Variants in AKT3 observed in about 807,000 individuals in gnomAD.
AKT3 encodes the protein RAC-gamma serine/threonine-protein kinase.
In AKT3, 15 loss-of-function variants were observed where a neutral mutation model predicts 65.3. That is an observed-to-expected ratio of 0.23 (90% confidence interval 0.15 to 0.35). AKT3 has a LOEUF of 0.35. AKT3 is among the 10% of genes least tolerant of loss of function. The pLI is 1.00. For missense variants in AKT3, 243 were observed against 576.5 expected, an observed-to-expected ratio of 0.42 and a Z score of 5.92; for synonymous variants, 206 against 183.8, an observed-to-expected ratio of 1.12 and a Z score of -0.98.
At chr1:243,658,615 T>C (rs955611553) in intron 4 of AKT3, among the ~76,000 whole-genome samples, 1 of 152,206 alleles carries the variant, frequency 6.6e-6, no homozygotes, top group African/African-American at 2.4e-5. Context: ...ATCACATTTC[T>C]GGATATTTAT....
intron 6 of AKT3, among the ~76,000 whole-genome samples, chr1:243,628,505 C>T (rs1354688403): frequency 6.6e-6 from 1 of 152,136 alleles, no homozygotes; most frequent in Non-Finnish European, 1.5e-5. Flanking sequence ...CACTATGTTG[C>T]CCAGGCTGAG....
chr1:243,597,869 G>A (rs1297830472), intron 8 of AKT3, among the ~76,000 whole-genome samples: 1 of 152,170 alleles, frequency 6.6e-6, no homozygotes, highest in Non-Finnish European at 1.5e-5. Flanking sequence ...TGCCTGCCTT[G>A]AAGAAAGCAG....
intron 2 of AKT3, among the ~76,000 whole-genome samples, chr1:243,837,873 G>C (rs552027547): frequency 6.6e-6 from 1 of 152,168 alleles, no homozygotes; most frequent in Admixed American, 6.5e-5. Context: ...CAATGTACTG[G>C]AGGTCCTATC....
At chr1:243,776,975 A>G (rs1159179239) in intron 2 of AKT3, among the ~76,000 whole-genome samples, 1 of 152,256 alleles carries the variant, frequency 6.6e-6, no homozygotes, top group Non-Finnish European at 1.5e-5. Context: ...GAAAACCATC[A>G]GACAGTAATA....
At chr1:243,842,325 GA>G (rs1275528931) in intron 2 of AKT3, among the ~76,000 whole-genome samples, 1 of 152,122 alleles carries the variant, frequency 6.6e-6, no homozygotes, top group African/African-American at 2.4e-5. Context: ...AAGGTTCTGA[GA>G]ATGGAACAGT....
chr1:243,815,061 T>C (rs1439718045), intron 2 of AKT3, among the ~76,000 whole-genome samples: 5 of 152,192 alleles, frequency 3.3e-5, no homozygotes, highest in Non-Finnish European at 7.3e-5. Context: ...TAGATCAAGT[T>C]TTCCCATGAG....
chr1:243,652,627 C>T (rs1681441747), intron 4 of AKT3, among the ~76,000 whole-genome samples: 1 of 151,736 alleles, frequency 6.6e-6, no homozygotes, highest in Non-Finnish European at 1.5e-5. Flanking sequence ...GCTAAATGCC[C>T]CAATGACAAG....
At chr1:243,821,115 T>C (rs114857083) in intron 2 of AKT3, among the ~76,000 whole-genome samples, 3,182 of 152,000 alleles carry the variant, frequency 0.021, 40 homozygotes, top group Admixed American at 0.037. Context: ...CTAAAAGAGA[T>C]TGGGGACCAA....
intron 3 of AKT3, among the ~76,000 whole-genome samples, chr1:243,665,279 A>G (rs890369445): frequency 2.6e-4 from 39 of 152,190 alleles, no homozygotes; most frequent in African/African-American, 9.2e-4. Flanking sequence ...GAAACCTTCC[A>G]TAACACCTCG....
At chr1:243,698,548 T>C (rs1685209331) in intron 2 of AKT3, among the ~76,000 whole-genome samples, 1 of 152,062 alleles carries the variant, frequency 6.6e-6, no homozygotes, top group Non-Finnish European at 1.5e-5. Flanking sequence ...TTTTAAAATA[T>C]TTTCTATGAT....
At chr1:243,599,356 A>G (rs574999275) in intron 8 of AKT3, among the ~76,000 whole-genome samples, 6 of 152,338 alleles carry the variant, frequency 3.9e-5, no homozygotes, top group South Asian at 2.1e-4. Context: ...TATTTTAAAG[A>G]TAATTGCTTA....
At chr1:243,691,321 T>C (rs1249215091) in intron 3 of AKT3, among the ~76,000 whole-genome samples, 1 of 152,114 alleles carries the variant, frequency 6.6e-6, no homozygotes, top group Non-Finnish European at 1.5e-5. Context: ...ATTGAAGAGA[T>C]CTATGATGTA....
intron 8 of AKT3, among the ~76,000 whole-genome samples, chr1:243,604,002 TCTC>T (rs1677209895): frequency 6.6e-6 from 1 of 151,626 alleles, no homozygotes; most frequent in South Asian, 2.1e-4. Context: ...TTCAAGCAAT[TCTC>T]CTGCCTCAGC....
At chr1:243,672,001 C>T (rs1683185560) in intron 3 of AKT3, among the ~76,000 whole-genome samples, 1 of 151,746 alleles carries the variant, frequency 6.6e-6, no homozygotes, top group African/African-American at 2.4e-5. Context: ...TACACCTTCC[C>T]CGTGCTTGGC....
intron 9 of AKT3, among the ~76,000 whole-genome samples, chr1:243,570,487 A>G (rs1674479043): frequency 6.6e-6 from 1 of 152,192 alleles, no homozygotes; most frequent in South Asian, 2.1e-4. Flanking sequence ...TTTCAACTCT[A>G]GAAGTCAGAA....
intron 8 of AKT3, among the ~76,000 whole-genome samples, chr1:243,611,071 G>A (rs941632570): frequency 4.6e-5 from 7 of 152,074 alleles, no homozygotes; most frequent in South Asian, 2.1e-4. Flanking sequence ...AAGTATAAGC[G>A]CATTTTAAAT....
chr1:243,755,953 A>C (rs1165592254), intron 2 of AKT3, among the ~76,000 whole-genome samples: 1 of 152,208 alleles, frequency 6.6e-6, no homozygotes, highest in Non-Finnish European at 1.5e-5. Flanking sequence ...GGTCAAGCCC[A>C]ATCAAGGAAG....
At chr1:243,566,528 A>T (rs1674170026) in intron 9 of AKT3, among the ~76,000 whole-genome samples, 1 of 152,198 alleles carries the variant, frequency 6.6e-6, no homozygotes. Context: ...AGATGGGGTA[A>T]GGGTCATGGC....
intron 5 of AKT3, among the ~76,000 whole-genome samples, chr1:243,640,516 T>G (rs915004391): frequency 2.0e-5 from 3 of 152,178 alleles, no homozygotes; most frequent in African/African-American, 4.8e-5. Flanking sequence ...TTCTCTCTCT[T>G]GGAAAGCTCT....
Sources: allele counts gnomAD v4.1 joint callset (sites outside exome capture counted in the v4.1 genomes callset), GRCh38; gene constraint gnomAD v4.1.1; transcripts MANE v1.5; gene names NCBI Gene and HGNC (gene_info 2026-07-23, HGNC 2026-07-21).